The following TENM3 variants were observed in gnomAD, a reference collection of about 807,000 sequenced individuals.
TENM3 encodes teneurin transmembrane protein 3.
TENM3 carries 63 observed loss-of-function variants against 255.1 expected under a neutral mutation model. The observed-to-expected ratio is 0.25, with a 90% CI of 0.20 to 0.30. TENM3 has a LOEUF of 0.30. TENM3 is among the 10% of genes least tolerant of loss of function. The pLI is 1.00. For synonymous variants in TENM3, 1,306 were observed against 1,322.3 expected, an observed-to-expected ratio of 0.99 and a Z score of 0.27; for missense variants, 2,929 against 3,461.1, an observed-to-expected ratio of 0.85 and a Z score of 3.86.
At chr4:182,305,617 T>G (rs1407219686) in intron 1 of TENM3, among the ~76,000 whole-genome samples, 2 of 152,222 alleles carry the variant, frequency 1.3e-5, no homozygotes, top group Non-Finnish European at 2.9e-5. Context: ...TTAAACTAGG[T>G]CCTTCCGATG....
the TENM3 span, among the ~76,000 whole-genome samples, chr4:181,509,965 A>G: frequency 1.3e-5 from 2 of 152,330 alleles, no homozygotes; most frequent in Non-Finnish European, 2.9e-5. Flanking sequence ...GAACAAATGC[A>G]AGCAAACCCC....
At chr4:182,618,370 A>T (rs1304936592) in intron 4 of TENM3, among the ~76,000 whole-genome samples, 2 of 152,036 alleles carry the variant, frequency 1.3e-5, no homozygotes, top group Non-Finnish European at 2.9e-5. Flanking sequence ...TTTCCTAGTG[A>T]CTCCTATAAG....
At chr4:181,519,216 A>G in the TENM3 span, among the ~76,000 whole-genome samples, 2 of 152,190 alleles carry the variant, frequency 1.3e-5, no homozygotes, top group African/African-American at 4.8e-5. Flanking sequence ...ACAACAATGA[A>G]AGCTAAGGCA....
the TENM3 span, among the ~76,000 whole-genome samples, chr4:181,581,773 C>T: frequency 2.0e-5 from 3 of 151,062 alleles, no homozygotes; most frequent in Non-Finnish European, 4.4e-5. Flanking sequence ...CCCTCTATTG[C>T]CCAGGCTGGA....
At chr4:182,250,847 GAA>G (rs1757964644) in intron 1 of TENM3, among the ~76,000 whole-genome samples, 1 of 152,214 alleles carries the variant, frequency 6.6e-6, no homozygotes, top group African/African-American at 2.4e-5. Context: ...ATGCAATGGT[GAA>G]TTGATAAGGT....
At chr4:182,627,552 C>G (rs1336111018) in intron 4 of TENM3, among the ~76,000 whole-genome samples, 11 of 103,266 alleles carry the variant, frequency 1.1e-4, no homozygotes, top group Non-Finnish European at 2.1e-4. Flanking sequence ...TGGAAGATCT[C>G]TGTATCTTCT....
the TENM3 span, among the ~76,000 whole-genome samples, chr4:181,775,046 C>T: frequency 2.0e-5 from 3 of 152,280 alleles, no homozygotes; most frequent in Admixed American, 6.5e-5. Flanking sequence ...TGCTAAAAAT[C>T]TGCAAGTCCT....
At chr4:181,514,751 A>T in the TENM3 span, among the ~76,000 whole-genome samples, 2 of 152,220 alleles carry the variant, frequency 1.3e-5, no homozygotes, top group Non-Finnish European at 2.9e-5. Context: ...TACACTTCAG[A>T]GTGTGAATGA....
At chr4:182,542,368 A>G (rs1295718162) in intron 3 of TENM3, among the ~76,000 whole-genome samples, 1 of 152,050 alleles carries the variant, frequency 6.6e-6, no homozygotes, top group Non-Finnish European at 1.5e-5. Flanking sequence ...CTTACCTGGG[A>G]CACTTTTTTC....
chr4:181,466,339 A>G, the TENM3 span, among the ~76,000 whole-genome samples: 1 of 151,908 alleles, frequency 6.6e-6, no homozygotes, highest in Non-Finnish European at 1.5e-5. Flanking sequence ...GCTGGTCTTG[A>G]ACATCTGACT....
intron 1 of TENM3, among the ~76,000 whole-genome samples, chr4:182,250,464 G>A (rs1463472816): frequency 6.6e-6 from 1 of 152,168 alleles, no homozygotes; most frequent in African/African-American, 2.4e-5. Flanking sequence ...GAAAAGTTAA[G>A]TAACTTACCT....
chr4:181,741,945 C>T, the TENM3 span, among the ~76,000 whole-genome samples: 1 of 152,170 alleles, frequency 6.6e-6, no homozygotes, highest in Non-Finnish European at 1.5e-5. Flanking sequence ...CATCAAACCT[C>T]AGTAAACTCT....
chr4:182,235,682 C>A (rs1181643503), intron 1 of TENM3, among the ~76,000 whole-genome samples: 2 of 152,222 alleles, frequency 1.3e-5, no homozygotes, highest in Non-Finnish European at 2.9e-5. Flanking sequence ...CCATCTCTCA[C>A]AAGCTGGAAC....
intron 1 of TENM3, among the ~76,000 whole-genome samples, chr4:182,288,268 T>G (rs111433702): frequency 0.028 from 4,282 of 152,028 alleles, 204 homozygotes; most frequent in African/African-American, 0.097. Context: ...ACAGGGTCTC[T>G]CTATGTTGTC....
chr4:182,742,980 A>G (rs781161454), intron 18 of TENM3, among the ~76,000 whole-genome samples, 190 bp from the exon 19 acceptor site: 15 of 152,176 alleles, frequency 9.9e-5, no homozygotes, highest in Non-Finnish European at 1.3e-4. Flanking sequence ...TATATATCCT[A>G]TGGACTTTAT....
the TENM3 span, among the ~76,000 whole-genome samples, chr4:181,905,595 AG>A: frequency 6.6e-6 from 1 of 152,062 alleles, no homozygotes; most frequent in Non-Finnish European, 1.5e-5. Context: ...CTACTATGAA[AG>A]AAAAAAATTA....
At chr4:182,694,689 A>T (rs1757259922) in intron 12 of TENM3, among the ~76,000 whole-genome samples, 1 of 152,234 alleles carries the variant, frequency 6.6e-6, no homozygotes, top group Non-Finnish European at 1.5e-5. Context: ...GACAAAACTC[A>T]CACATGCAGT....
chr4:182,714,315 CAAAAAAAAAAAAAAAA>C (rs374337174), intron 13 of TENM3, 82 bp downstream of exon 13: 5 of 140,960 alleles, frequency 3.5e-5, no homozygotes, highest in Non-Finnish European at 6.4e-5. Context: ...TATCTGTTGC[CAAAAAAAAAAAAAAAA>C]AAAAAAAACC....
chr4:181,852,770 A>G, the TENM3 span, among the ~76,000 whole-genome samples: 2 of 152,248 alleles, frequency 1.3e-5, no homozygotes, highest in African/African-American at 4.8e-5. Flanking sequence ...TCACAAAACA[A>G]TATGAAGTTG....
Sources: allele counts gnomAD v4.1 joint callset (sites outside exome capture counted in the v4.1 genomes callset), GRCh38; gene constraint gnomAD v4.1.1; transcripts MANE v1.5; gene names NCBI Gene and HGNC (gene_info 2026-07-23, HGNC 2026-07-21).